COL27A1: variants seen among roughly 807,000 people sequenced by gnomAD.
COL27A1 encodes the protein collagen type XXVII alpha 1 chain, also known as collagen alpha-1(XXVII) chain.
In COL27A1, 106 loss-of-function variants were observed where a neutral mutation model predicts 251.3. The ratio of observed to expected loss-of-function variants is 0.42; its 90% CI spans 0.36 to 0.50. COL27A1 has a LOEUF of 0.50. Among genes scored for constraint, COL27A1 ranks in the 20% least tolerant of loss-of-function variants. COL27A1 has a pLI of 0.00. For missense variants in COL27A1, 2,325 were observed against 2,522.8 expected (o/e 0.92, Z 1.68); for synonymous variants, 1,000 against 986.3 (o/e 1.01, Z -0.26).
chr9:114,243,926 T>C (rs1832937936), intron 23 of COL27A1, among the ~76,000 whole-genome samples: 3 of 68,350 alleles, frequency 4.4e-5, no homozygotes, highest in African/African-American at 8.0e-5. Flanking sequence ...TTTTCTTTCA[T>C]TTTTTTTTTT....
At chr9:114,188,776 TA>T (rs987085810) in intron 5 of COL27A1, among the ~76,000 whole-genome samples, 4 of 152,230 alleles carry the variant, frequency 2.6e-5, no homozygotes, top group African/African-American at 9.6e-5. Flanking sequence ...TAAAGGAAGA[TA>T]TTTTTAAAAG....
At chr9:114,275,223 C>T (rs951588532) in intron 36 of COL27A1, among the ~76,000 whole-genome samples, 2 of 151,958 alleles carry the variant, frequency 1.3e-5, no homozygotes, top group African/African-American at 4.8e-5. Flanking sequence ...ATAATTGCGC[C>T]TCTGCACTCC....
chr9:114,234,248 C>T (rs1373775768), intron 16 of COL27A1, among the ~76,000 whole-genome samples: 2 of 145,730 alleles, frequency 1.4e-5, no homozygotes, highest in African/African-American at 5.1e-5. Context: ...CTGTGGTTCC[C>T]CAAATACCAG....
intron 1 of COL27A1, among the ~76,000 whole-genome samples, chr9:114,161,112 C>T (rs1446566816): frequency 6.6e-6 from 1 of 152,050 alleles, no homozygotes; most frequent in Non-Finnish European, 1.5e-5. Context: ...CTTCAGACAC[C>T]CACTATTTTT....
Position 114,283,754 on chromosome 9 carries a change from G to T in COL27A1, c.3925G>T (p.Gly1309Cys), listed in dbSNP as rs766822262. 6.2e-7 allele frequency: 1 copy of T among 1,613,978 alleles called. No homozygotes were observed. Among genetic ancestry groups the T allele is most frequent in the Admixed American group, 1.7e-5 (1 of 60,004 alleles). Residue 1309 changes from glycine (G) to cysteine (C), a missense_variant, in exon 40 of 61, where the codon GGT (glycine) becomes TGT (cysteine). Gly to Cys is a radical substitution (Grantham distance 159). Transcript: ENST00000356083. Reference protein sequence around the residue: ...MGAQGEPGLAGYDGHKGIVGP... With the variant: ...MGAQGEPGLACYDGHKGIVGP... ...GGCCCAAGGAGAACCGGGACTGGCTGGTTATGATGTAAGCAGATATCACCT... is the reference window on the plus strand; with the variant it reads ...GGCCCAAGGAGAACCGGGACTGGCTTGTTATGATGTAAGCAGATATCACCT...
At chr9:114,186,555 C>T (rs975479314) in intron 5 of COL27A1, among the ~76,000 whole-genome samples, 5 of 152,046 alleles carry the variant, frequency 3.3e-5, no homozygotes, top group East Asian at 1.9e-4. Flanking sequence ...TGATCTAGTC[C>T]GGGAGGTGAG....
intron 28 of COL27A1, 111 bp from the exon 29 acceptor site, chr9:114,264,244 C>T (rs1159460109): frequency 1.3e-5 from 10 of 771,806 alleles, no homozygotes; most frequent in African/African-American, 8.9e-5. Flanking sequence ...AGGAGGGGGC[C>T]GGAGCTTGTG....
chr9:114,257,632 C>T (rs1229853912), intron 27 of COL27A1, among the ~76,000 whole-genome samples: 1 of 152,130 alleles, frequency 6.6e-6, no homozygotes, highest in Non-Finnish European at 1.5e-5. Context: ...GGGCCTTGCT[C>T]CCTTCTCATG....
chr9:114,165,287 T>G (rs970297474), intron 2 of COL27A1, among the ~76,000 whole-genome samples: 22 of 152,172 alleles, frequency 1.4e-4, no homozygotes, highest in African/African-American at 5.1e-4. Flanking sequence ...TGTCCTTCTA[T>G]CCATTCATCC....
intron 12 of COL27A1, among the ~76,000 whole-genome samples, chr9:114,212,208 C>T (rs1830414758): frequency 6.6e-6 from 1 of 152,230 alleles, no homozygotes; most frequent in Admixed American, 6.5e-5. Context: ...ACACCTAGAC[C>T]TGGGCAAGGA....
intron 4 of COL27A1, among the ~76,000 whole-genome samples, chr9:114,180,276 C>A (rs1827801731): frequency 6.6e-6 from 1 of 152,310 alleles, no homozygotes; most frequent in African/African-American, 2.4e-5. Context: ...AGGTGCTGGG[C>A]AAATGATTGG....
At chr9:114,237,754 G>A in intron 19 of COL27A1, 39 bp downstream of exon 19, 2 of 1,572,902 alleles carry the variant, frequency 1.3e-6, no homozygotes. Context: ...GGCTGCTGCT[G>A]GGACTCGGTC....
Position 114,231,122 on chromosome 9 carries a change from A to G in COL27A1, c.2510A>G (p.Lys837Arg), listed in dbSNP as rs779533494. 1.9e-6 allele frequency: 3 copies of G among 1,613,482 alleles called. No individual in the cohort carries two copies. The highest frequency in any genetic ancestry group is 2.2e-5 in the South Asian group (2 of 90,796). ...VLGPIGYPGP[K>R]GMKGLMGSVG... ...GGTCCGATTGGCTACCCGGGACCCA[A>G]GGGCATGAAGGTAAGCAAGGGATGT... The change falls in exon 15 of 61, where the codon AAG becomes AGG. Residue 837 changes from lysine to arginine, a missense_variant. Lys to Arg is a conservative substitution (Grantham distance 26). Transcript: ENST00000356083.
At chr9:114,262,861 A>G (rs1834443087) in intron 28 of COL27A1, among the ~76,000 whole-genome samples, 1 of 151,704 alleles carries the variant, frequency 6.6e-6, no homozygotes, top group South Asian at 2.1e-4. Context: ...GGATTGAAGC[A>G]TAGGGAGCTC....
rs1286236931 is a variant in COL27A1 at position 114,299,931 on chromosome 9, A to C, written c.4585-139A>C. On this transcript the variant is annotated intron_variant, in intron 49 of 60. Coordinates refer to ENST00000356083, the MANE Select transcript of COL27A1 (RefSeq NM_032888.4). Reference sequence around the variant, plus strand: ...TCTAGTTTGTGAGCTGTTCACACTCACTTGGTCGCTTCACAGAGGAGTCAC... The same window carrying C: ...TCTAGTTTGTGAGCTGTTCACACTCCCTTGGTCGCTTCACAGAGGAGTCAC... 1.6e-5 allele frequency: 12 copies of C among 737,966 alleles called. No individual in the cohort carries two copies. In the East Asian group the frequency reaches 3.0e-4, roughly 19 times the overall value. 45.7% of individuals were successfully genotyped at this position (737,966 alleles called of 1,614,324 possible). A position where few individuals can be genotyped will look rare whatever the true frequency, so the allele number is the denominator to read the frequency against.
intron 54 of COL27A1, 49 bp downstream of exon 54, chr9:114,301,511 C>T: frequency 1.3e-6 from 2 of 1,585,756 alleles, no homozygotes; most frequent in Middle Eastern, 2.3e-4. Context: ...GGGGCGGGCA[C>T]CCTGCATTCT....
intron 58 of COL27A1, 125 bp from the exon 59 acceptor site, chr9:114,307,544 A>G (rs941020502): frequency 1.4e-6 from 1 of 709,420 alleles, no homozygotes; most frequent in Non-Finnish European, 2.6e-6. Flanking sequence ...TTTTCTGCTC[A>G]CCCACCCTGA....
intron 14 of COL27A1, among the ~76,000 whole-genome samples, chr9:114,223,134 A>G (rs1831230735): frequency 6.6e-6 from 1 of 152,154 alleles, no homozygotes. Flanking sequence ...CCTTGGGCCC[A>G]GCCGCAGGGG....
At chr9:114,166,258 TCCATCCATCCATCCAC>T (rs938370236) in intron 2 of COL27A1, among the ~76,000 whole-genome samples, 19 of 118,474 alleles carry the variant, frequency 1.6e-4, no homozygotes, top group African/African-American at 6.3e-4. Flanking sequence ...CATCCATCTG[TCCATCCATCCATCCAC>T]CCATCCATCC....
Sources: gnomAD v4.1 joint callset for allele counts (sites outside exome capture counted in the v4.1 genomes callset) on GRCh38, gnomAD v4.1.1 for gene constraint, MANE v1.5 for transcripts, NCBI Gene and HGNC (gene_info 2026-07-23, HGNC 2026-07-21) for gene names.